The following PCDH15 variants were observed in gnomAD, a reference collection of about 807,000 sequenced individuals.
PCDH15 encodes protocadherin-15.
Under a neutral mutation model 178.5 loss-of-function variants are expected in PCDH15, and 129 were observed. That is an observed-to-expected ratio of 0.72 (90% CI 0.63 to 0.84). The LOEUF (loss-of-function observed/expected upper bound fraction) is 0.84, where lower values mean the gene tolerates loss of function less well. Ranked by LOEUF, PCDH15 falls within the 40% of genes least tolerant of loss-of-function variation. PCDH15 has a pLI of 0.00. For missense variants in PCDH15, 2,230 were observed against 2,099.9 expected, an observed-to-expected ratio of 1.06 and a Z score of -1.21; for synonymous variants, 800 against 732.0, an observed-to-expected ratio of 1.09 and a Z score of -1.50.
rs1554816210 is a variant in PCDH15, at chr10:53,810,620, G to A, written c.4607C>T (p.Pro1536Leu). Reference protein sequence around the residue: ...QYGSRRRLLPPAGQEEYGEVV... With the variant: ...QYGSRRRLLPLAGQEEYGEVV... ...CTCACCATATTCCTCCTGTCCAGCT[G>A]GTGGTAACAATCGACGGCGACTCCC... The change falls in exon 37 of 38, where the codon CCA becomes CTA. Residue 1536 changes from proline (P) to leucine (L), a missense_variant. Pro to Leu is a moderately conservative substitution (Grantham distance 98). Coordinates refer to ENST00000644397, the MANE Select transcript of PCDH15 (RefSeq NM_001384140.1). 1.2e-6 allele frequency: 2 copies of A among 1,613,792 alleles called. No individual in the cohort carries two copies. Among genetic ancestry groups the A allele is most frequent in the Non-Finnish European group, 1.7e-6 (2 of 1,179,822 alleles).
At chr10:54,619,517 C>G (rs74834971) in intron 2 of PCDH15, among the ~76,000 whole-genome samples, 5,753 of 151,862 alleles carry the variant, frequency 0.038, 341 homozygotes, top group African/African-American at 0.13. Context: ...TCTTTTTGTG[C>G]GTAATCTTGT....
At chr10:53,821,045 A>AATT in intron 32 of PCDH15, 1 of 920,922 alleles carries the variant, frequency 1.1e-6, no homozygotes, top group Non-Finnish European at 1.3e-6. Context: ...GAACAAACAA[A>AATT]ATTAAACAGC....
At chr10:55,258,513 A>G (rs1469065602) in intron 1 of PCDH15, among the ~76,000 whole-genome samples, 1 of 152,138 alleles carries the variant, frequency 6.6e-6, no homozygotes, top group Non-Finnish European at 1.5e-5. Context: ...AACTTGCTTC[A>G]ATCTCTTTTT....
chr10:55,448,068 A>G (rs561872009), intron 2 of PCDH15, among the ~76,000 whole-genome samples: 8 of 152,160 alleles, frequency 5.3e-5, no homozygotes, highest in African/African-American at 1.9e-4. Flanking sequence ...GGTACTATTC[A>G]ACATCTAAAT....
rs780988212 is a variant in PCDH15, at chr10:54,527,871, T to C, written c.98A>G (p.Lys33Arg). ...ICLGQYDDDC[K>R]LARGGPPATI... is the part of the protein sequence containing the mutation. ...AGCTGGTGGTCCTCCCCTAGCTAGT[T>C]TGCAATCTAAAGAGAGAAAATAACC... The change falls in exon 3 of 38, where the codon AAA becomes AGA. Residue 33 changes from lysine (K) to arginine (R), a missense_variant. Transcript: ENST00000644397. The C allele has an allele frequency of 1.2e-6, 2 of 1,611,760 alleles. No homozygotes were observed. Among genetic ancestry groups the C allele is most frequent in the South Asian group, 1.1e-5 (1 of 90,976 alleles).
chr10:55,260,501 A>T (rs190333632), intron 1 of PCDH15, among the ~76,000 whole-genome samples: 4,564 of 152,278 alleles, frequency 0.03, 121 homozygotes, highest in African/African-American at 0.077. Context: ...AAATACTAAT[A>T]AATTAGTCAA....
At chr10:54,798,049 T>G (rs1448048638) in intron 1 of PCDH15, among the ~76,000 whole-genome samples, 4 of 152,100 alleles carry the variant, frequency 2.6e-5, no homozygotes, top group Non-Finnish European at 1.5e-5. Context: ...TCTCGGTTCT[T>G]GTCACCATTT....
intron 14 of PCDH15, among the ~76,000 whole-genome samples, chr10:54,146,906 A>ATAGTGTATATATATAGT (rs2043970646): frequency 1.6e-5 from 2 of 124,024 alleles, no homozygotes; most frequent in East Asian, 9.9e-4. Flanking sequence ...ATATATATAT[A>ATAGTGTATATATATAGT]GTGTATATAT....
At chr10:54,386,100 TTGTGTGTGTGTGTGTGTGTGTG>T (rs60205554) in intron 3 of PCDH15, among the ~76,000 whole-genome samples, 7 of 139,786 alleles carry the variant, frequency 5.0e-5, no homozygotes, top group Non-Finnish European at 7.7e-5. Flanking sequence ...TAGTTATTAG[TTGTGTGTGTGTGTGTGTGTGTG>T]TGTGTGTGTG....
At chr10:54,291,529 A>G (rs371839710) in intron 8 of PCDH15, among the ~76,000 whole-genome samples, 2 of 152,326 alleles carry the variant, frequency 1.3e-5, no homozygotes, top group Middle Eastern at 3.4e-3. Context: ...CAGTGAATCC[A>G]GGAGCTGGTT....
At chr10:54,156,540 A>G (rs1236423952) in intron 13 of PCDH15, among the ~76,000 whole-genome samples, 2 of 152,178 alleles carry the variant, frequency 1.3e-5, no homozygotes, top group Non-Finnish European at 2.9e-5. Context: ...ACTTGCCCCA[A>G]TGATTCAATT....
chr10:54,010,564 C>A (rs2092546993), intron 20 of PCDH15, among the ~76,000 whole-genome samples: 1 of 152,212 alleles, frequency 6.6e-6, no homozygotes, highest in Non-Finnish European at 1.5e-5. Flanking sequence ...CTCTGCTACT[C>A]TTTACTGCCC....
At chr10:55,440,062 T>C (rs144375827) in intron 2 of PCDH15, among the ~76,000 whole-genome samples, 72 of 152,288 alleles carry the variant, frequency 4.7e-4, no homozygotes, top group African/African-American at 1.7e-3. Flanking sequence ...AGACGAAAAC[T>C]TGACGCTGTT....
chr10:55,112,391 C>G lies in PCDH15; in HGVS notation c.-80+54185G>C, dbSNP rs547156027. ...ACCCATAAGAGGGCCCTCACTGAGA[C>G]AGGAGAATTGGGAAAGCGAAGCAGG... On this transcript the variant is annotated intron_variant, in intron 2 of 5. Transcript: ENST00000458638. Among the ~76,000 whole-genome samples the G allele has an allele frequency of 2.0e-3, 302 of 151,922 alleles. 1 individual carries two copies. The highest frequency in any genetic ancestry group is 7.1e-3 in the African/African-American group (294 of 41,420).
At chr10:55,048,727 T>C (rs1443725364) in intron 2 of PCDH15, among the ~76,000 whole-genome samples, 1 of 151,932 alleles carries the variant, frequency 6.6e-6, no homozygotes, top group East Asian at 1.9e-4. Context: ...TATATTTTTA[T>C]TTCAATGTAA....
At chr10:55,022,195 G>A (rs916185376) in intron 2 of PCDH15, among the ~76,000 whole-genome samples, 6 of 152,088 alleles carry the variant, frequency 3.9e-5, no homozygotes, top group Non-Finnish European at 8.8e-5. Flanking sequence ...GCTCATGCCT[G>A]TAATCCCAAC....
intron 2 of PCDH15, among the ~76,000 whole-genome samples, chr10:55,339,963 T>G (rs1844504831): frequency 1.3e-5 from 2 of 151,660 alleles, no homozygotes; most frequent in African/African-American, 4.8e-5. Flanking sequence ...ATAGTTGTTT[T>G]TTGAAAGAGA....
Position 54,315,931 on chromosome 10 carries a change from GT to G in PCDH15, c.876+1339del, listed in dbSNP as rs765177414. On this transcript the variant is annotated intron_variant, in intron 8 of 37. Coordinates refer to ENST00000644397, the MANE Select transcript of PCDH15 (RefSeq NM_001384140.1). ...GTTCACCATCTTTAATAGTTTGTGT[GT>G]TTTTTTTGTTTGTTTGTTTGTTTTT... Among the ~76,000 whole-genome samples the G allele has an allele frequency of 4.6e-4, 49 of 107,378 alleles. No individual in the cohort carries two copies. The South Asian group carries it at 7.6e-3, about 17-fold the overall frequency. The allele number at this position is 107,378 out of a possible 152,430, so 70.4% of individuals were successfully genotyped here.
chr10:55,146,477 C>A (rs1451894375), intron 2 of PCDH15, among the ~76,000 whole-genome samples: 3 of 151,920 alleles, frequency 2.0e-5, no homozygotes, highest in African/African-American at 7.2e-5. Flanking sequence ...GCAGCCTACG[C>A]TTAGTTGTCT....
Sources: gnomAD v4.1 joint callset for allele counts (sites outside exome capture counted in the v4.1 genomes callset) on GRCh38, gnomAD v4.1.1 for gene constraint, MANE v1.5 for transcripts, NCBI Gene and HGNC (gene_info 2026-07-23, HGNC 2026-07-21) for gene names.